LRATD2: variants seen among roughly 807,000 people sequenced by gnomAD.
The protein encoded by LRATD2 is protein LRATD2.
Under a neutral mutation model 12.0 loss-of-function variants are expected in LRATD2, and 10 were observed. The observed-to-expected ratio is 0.83, with a 90% confidence interval of 0.51 to 1.41. The LOEUF (loss-of-function observed/expected upper bound fraction) is 1.41, where lower values mean the gene tolerates loss of function less well. Among genes scored for constraint, LRATD2 ranks in the 40% most tolerant of loss-of-function variants. LRATD2 has a pLI of 0.00. For missense variants in LRATD2, 455 were observed against 446.1 expected, an observed-to-expected ratio of 1.02 and a Z score of -0.18; for synonymous variants, 220 against 205.8, an observed-to-expected ratio of 1.07 and a Z score of -0.59.
Position 126,557,299 on chromosome 8 carries a change from G to T in LRATD2, c.91C>A (p.Arg31Ser), listed in dbSNP as rs776888640. 1.9e-6 allele frequency: 3 copies of T among 1,613,636 alleles called. No individual in the cohort carries two copies. Among genetic ancestry groups the T allele is most frequent in the Non-Finnish European group, 2.5e-6 (3 of 1,179,962 alleles). ...PTGVDRDDGP[R>S]IGVSYIFSND... Reference sequence around the variant, plus strand: ...GAGAAAATGTAGGAGACCCCAATGCGGGGCCCGTCGTCCCGGTCCACGCCA... The same window carrying T: ...GAGAAAATGTAGGAGACCCCAATGCTGGGCCCGTCGTCCCGGTCCACGCCA... Residue 31 changes from arginine to serine, a missense_variant, in exon 2 of 2, where the codon CGC becomes AGC. By Grantham distance (110) the Arg-to-Ser change is moderately radical. Coordinates refer to ENST00000304916, the MANE Select transcript of LRATD2 (RefSeq NM_174911.5). The surrounding 1 kb of genome is among the most constrained non-coding windows in gnomAD (Gnocchi z 5.3).
Position 126,553,233 on chromosome 8 carries a change from A to G in LRATD2, c.*3224T>C, listed in dbSNP as rs915360674. ...AGTGCTAAAAGTCACTTTAAATTAA[A>G]TGTGAAATAAAAGCTACAAAAAGTA... is the stretch of plus-strand genomic sequence containing the variant. On this transcript the variant is annotated 3_prime_UTR_variant, in exon 2 of 2. Transcript: ENST00000304916. 5 of 152,544 alleles carry G rather than the reference A, an allele frequency of 3.3e-5. No homozygotes were observed. Among genetic ancestry groups the G allele is most frequent in the African/African-American group, 1.2e-4 (5 of 41,456 alleles). The allele number at this position is 152,544 out of a possible 1,614,324, so 9.4% of individuals were successfully genotyped here.
In LRATD2 at chr8:126,556,601, C is replaced by T; in HGVS notation, c.789G>A (p.Ala263=). ...EKRRNDQIGR[A]AVLQELATHL... Reference sequence around the variant, plus strand: ...GCGTGGCGAGCTCCTGCAGCACGGCCGCGCGCCCGATCTGGTCGTTGCGTC... The same window carrying T: ...GCGTGGCGAGCTCCTGCAGCACGGCTGCGCGCCCGATCTGGTCGTTGCGTC... Residue 263 remains alanine, a synonymous_variant, in exon 2 of 2, where the codon GCG becomes GCA. Transcript: ENST00000304916. The surrounding 1 kb of genome is among the most constrained non-coding windows in gnomAD (Gnocchi z 5.6). 1 of 1,610,162 alleles carries T rather than the reference C, an allele frequency of 6.2e-7. No individual in the cohort carries two copies. Among genetic ancestry groups the T allele is most frequent in the Non-Finnish European group, 8.5e-7 (1 of 1,178,208 alleles).
At position 126,557,037 on chromosome 8, in the gene LRATD2, G is replaced by A; in HGVS notation, c.353C>T (p.Pro118Leu). 6.2e-7 allele frequency: 1 copy of A among 1,607,114 alleles called. No individual in the cohort carries two copies. Among genetic ancestry groups the A allele is most frequent in the Non-Finnish European group, 8.5e-7 (1 of 1,179,974 alleles). ...TPENLLNKCK[P>L]GDLVEFVSQA... ...CGACACGAACTCCACCAGATCGCCC[G>A]GCTTGCACTTGTTGAGCAGGTTCTC... The change falls in exon 2 of 2, where the codon CCG becomes CTG. Residue 118 changes from proline (P) to leucine (L), a missense_variant. Transcript: ENST00000304916. The surrounding 1 kb of genome is among the most constrained non-coding windows in gnomAD (Gnocchi z 5.3).
rs1284554717 is a variant in LRATD2 at position 126,556,784 on chromosome 8, C to T, written c.606G>A (p.Glu202=). 1.9e-6 allele frequency: 3 copies of T among 1,597,574 alleles called. No homozygotes were observed. Among genetic ancestry groups the T allele is most frequent in the African/African-American group, 2.7e-5 (2 of 74,730 alleles). ...KERELSWRNS[E]SFAAWCRYGK... ...CGTAGCGGCACCAGGCGGCGAAACT[C>T]TCCGAGTTGCGCCAGCTCAGCTCGC... Residue 202 remains glutamate (E), a synonymous_variant, in exon 2 of 2, where the codon GAG becomes GAA. Transcript: ENST00000304916. This position sits in a 1 kb window ranked among gnomAD's most constrained non-coding sequence, Gnocchi z 5.6.
chr8:126,553,869 T>G lies in LRATD2; in HGVS notation c.*2588A>C, dbSNP rs1188549586. The G allele has an allele frequency of 6.6e-6, 1 of 152,266 alleles. No individual in the cohort carries two copies. Among genetic ancestry groups the G allele is most frequent in the Non-Finnish European group, 1.5e-5 (1 of 68,050 alleles). The allele number at this position is 152,266 out of a possible 1,614,324, so 9.4% of individuals were successfully genotyped here. On this transcript the variant is annotated 3_prime_UTR_variant, in exon 2 of 2. Coordinates refer to ENST00000304916, the MANE Select transcript of LRATD2 (RefSeq NM_174911.5). Reference sequence around the variant, plus strand: ...TCTCTAGAAGAGAGAGTCACTGCTCTCTCTTAACACAGTCGCTGCTATACT... The same window carrying G: ...TCTCTAGAAGAGAGAGTCACTGCTCGCTCTTAACACAGTCGCTGCTATACT...
Position 126,556,707 on chromosome 8 carries a change from T to C in LRATD2, c.683A>G (p.Tyr228Cys), listed in dbSNP as rs753985801. Residue 228 changes from tyrosine to cysteine, a missense_variant, in exon 2 of 2, where the codon TAC (tyrosine) becomes TGC (cysteine). Coordinates refer to ENST00000304916, the MANE Select transcript of LRATD2 (RefSeq NM_174911.5). The surrounding 1 kb of genome is among the most constrained non-coding windows in gnomAD (Gnocchi z 5.6). Reference protein sequence around the residue: ...GGELRIGKQPYRLQIQLSAQR... With the variant: ...GGELRIGKQPCRLQIQLSAQR... The stretch of plus-strand genomic sequence containing the variant: ...CGCCGACAGCTGAATCTGCAGCCGG[T>C]AGGGCTGCTTGCCGATGCGCAGCTC... 1.2e-6 allele frequency: 2 copies of C among 1,608,408 alleles called. No homozygotes were observed. Among genetic ancestry groups the C allele is most frequent in the African/African-American group, 1.3e-5 (1 of 74,980 alleles).
rs529697872 is a variant in LRATD2 at position 126,557,803 on chromosome 8, A to AT, written c.-97+230dup. The AT allele has an allele frequency of 1.7e-3, 302 of 181,070 alleles. 1 individual carries two copies. Among genetic ancestry groups the AT allele is most frequent in the African/African-American group, 7.0e-3 (291 of 41,750 alleles). The allele number at this position is 181,070 out of a possible 1,614,324, so 11.2% of individuals were successfully genotyped here. On this transcript the variant is annotated intron_variant, in intron 1 of 1. Transcript: ENST00000304916. This position sits in a 1 kb window ranked among gnomAD's most constrained non-coding sequence, Gnocchi z 5.3. ...GGAAGGAAAGAGAAACTTTACGCCAATCCCCCCCCTCCTCTGCTAACTTCC... is the reference window on the plus strand; with the variant it reads ...GGAAGGAAAGAGAAACTTTACGCCAATTCCCCCCCCTCCTCTGCTAACTTCC...
rs1370462966 is a variant in LRATD2 at position 126,557,440 on chromosome 8, A to C, written c.-51T>G. On this transcript the variant is annotated 5_prime_UTR_variant, in exon 2 of 2. Transcript: ENST00000304916. The surrounding 1 kb of genome is among the most constrained non-coding windows in gnomAD (Gnocchi z 5.3). ...GCCGCAAGGGGAGAAAGCGAAACCA[A>C]CTCCAGGGTCATTTGCACAGGTCCC... The C allele has an allele frequency of 6.3e-7, 1 of 1,585,836 alleles. No individual in the cohort carries two copies. The highest frequency in any genetic ancestry group is 1.9e-5 in the Admixed American group (1 of 53,520).
Position 126,557,183 on chromosome 8 carries a change from G to GGGC in LRATD2, c.204_206dup (p.Pro69dup). On this transcript the variant is annotated inframe_insertion, in exon 2 of 2. Transcript: ENST00000304916. This position sits in a 1 kb window ranked among gnomAD's most constrained non-coding sequence, Gnocchi z 5.3. ...GCCGCGGATCGTAGGGCTGCGGCTG[G>GGGC]GGCGGCGGCGGCCCGTCCCCACCGT... 8.7e-6 allele frequency: 14 copies of GGGC among 1,604,678 alleles called. No individual in the cohort carries two copies. The highest frequency in any genetic ancestry group is 1.7e-5 in the Admixed American group (1 of 58,806).
At position 126,554,466 on chromosome 8, in the gene LRATD2, T is replaced by G. The variant is rs1418035140; in HGVS notation, c.*1991A>C. 6.6e-6 allele frequency: 1 copy of G among 152,224 alleles called. No individual in the cohort carries two copies. The highest frequency in any genetic ancestry group is 1.5e-5 in the Non-Finnish European group (1 of 68,046). The allele number at this position is 152,224 out of a possible 1,614,324, so 9.4% of individuals were successfully genotyped here. ...CTGTGAGAGTATTAAATATGGACAC[T>G]AGATTTACATTTCCAACAAGAAATT... On this transcript the variant is annotated 3_prime_UTR_variant, in exon 2 of 2. Transcript: ENST00000304916.
At position 126,552,473 on chromosome 8, in the gene LRATD2, C is replaced by T. The variant is rs533043354; in HGVS notation, c.*3984G>A. 1 of 152,694 alleles carries T rather than the reference C, an allele frequency of 6.5e-6. No homozygotes were observed. Among genetic ancestry groups the T allele is most frequent in the South Asian group, 2.1e-4 (1 of 4,822 alleles). 9.5% of individuals were successfully genotyped at this position (152,694 alleles called of 1,614,324 possible). On this transcript the variant is annotated 3_prime_UTR_variant, in exon 2 of 2. Coordinates refer to ENST00000304916, the MANE Select transcript of LRATD2 (RefSeq NM_174911.5). Reference sequence around the variant, plus strand: ...TCTAATAGATGGTTTATTGGAAACGCTCATAGCATCTTTTGAAAAGAACTT... The same window carrying T: ...TCTAATAGATGGTTTATTGGAAACGTTCATAGCATCTTTTGAAAAGAACTT...
rs1817388682 is a variant in LRATD2 at position 126,556,256 on chromosome 8, GTTTCCT to G, written c.*195_*200del. 2 of 599,168 alleles carry G rather than the reference GTTTCCT, an allele frequency of 3.3e-6. No individual in the cohort carries two copies. Among genetic ancestry groups the G allele is most frequent in the Admixed American group, 3.9e-5 (1 of 25,948 alleles). 37.1% of individuals were successfully genotyped at this position (599,168 alleles called of 1,614,324 possible). A position where few individuals can be genotyped will look rare whatever the true frequency, so the allele number is the denominator to read the frequency against. On this transcript the variant is annotated 3_prime_UTR_variant, in exon 2 of 2. Transcript: ENST00000304916. The surrounding 1 kb of genome is among the most constrained non-coding windows in gnomAD (Gnocchi z 5.6). ...GACGCCCCCCACCCCCAACTAAAGT[GTTTCCT>G]ACCTGCTCCCTCTGTCCCCTTCCTC...
At position 126,553,299 on chromosome 8, in the gene LRATD2, G is replaced by C. The variant is rs2130473571; in HGVS notation, c.*3158C>G. On this transcript the variant is annotated 3_prime_UTR_variant, in exon 2 of 2. Coordinates refer to ENST00000304916, the MANE Select transcript of LRATD2 (RefSeq NM_174911.5). ...CAAAAAGTTGTGTAGCTGAAGTTGTGGGCTCCTTTGACATACATAAGCAGT... is the reference window on the plus strand; with the variant it reads ...CAAAAAGTTGTGTAGCTGAAGTTGTCGGCTCCTTTGACATACATAAGCAGT... 6.5e-6 allele frequency: 1 copy of C among 152,706 alleles called. No individual in the cohort carries two copies. Among genetic ancestry groups the C allele is most frequent in the Middle Eastern group, 3.4e-3 (1 of 294 alleles). 9.5% of individuals were successfully genotyped at this position (152,706 alleles called of 1,614,324 possible). A position where few individuals can be genotyped will look rare whatever the true frequency, so the allele number is the denominator to read the frequency against.
chr8:126,557,689 C>A lies in LRATD2; in HGVS notation c.-96-204G>T, dbSNP rs1413244928. Reference sequence around the variant, plus strand: ...AACTCCTGTTCTCCCTGTCCCCAGCCCTTCGCCTGGCCCTGGCAAAAGCCC... The same window carrying A: ...AACTCCTGTTCTCCCTGTCCCCAGCACTTCGCCTGGCCCTGGCAAAAGCCC... On this transcript the variant is annotated intron_variant, in intron 1 of 1. Coordinates refer to ENST00000304916, the MANE Select transcript of LRATD2 (RefSeq NM_174911.5). This position sits in a 1 kb window ranked among gnomAD's most constrained non-coding sequence, Gnocchi z 5.3. The A allele has an allele frequency of 7.1e-6, 3 of 424,796 alleles. No individual in the cohort carries two copies. The highest frequency in any genetic ancestry group is 1.3e-5 in the Non-Finnish European group (3 of 239,098). 26.3% of individuals were successfully genotyped at this position (424,796 alleles called of 1,614,324 possible). A position where few individuals can be genotyped will look rare whatever the true frequency, so the allele number is the denominator to read the frequency against.
In LRATD2 at chr8:126,558,242, G is replaced by A. The variant is rs1032129405; in HGVS notation, c.-305C>T. The A allele has an allele frequency of 6.6e-6, 1 of 152,272 alleles. No homozygotes were observed. The highest frequency in any genetic ancestry group is 2.1e-4 in the South Asian group (1 of 4,826). 9.4% of individuals were successfully genotyped at this position (152,272 alleles called of 1,614,324 possible). ...AGCGCCCCGATACTTGAAGGCGGGG[G>A]GCAATCCCTGTTCACACCGCGCTTC... On this transcript the variant is annotated 5_prime_UTR_variant, in exon 1 of 2. Coordinates refer to ENST00000304916, the MANE Select transcript of LRATD2 (RefSeq NM_174911.5).
rs1433157759 is a variant in LRATD2, at chr8:126,558,413, G to T, written c.-476C>A. 6.6e-6 allele frequency: 1 copy of T among 152,196 alleles called. No individual in the cohort carries two copies. Among genetic ancestry groups the T allele is most frequent in the Non-Finnish European group, 1.5e-5 (1 of 68,050 alleles). 9.4% of individuals were successfully genotyped at this position (152,196 alleles called of 1,614,324 possible). On this transcript the variant is annotated 5_prime_UTR_variant, in exon 1 of 2. Transcript: ENST00000304916. ...CAACAAGCACCGGAGCTGGAGGGAC[G>T]GGATTGTAGATCCGGCTCCGGGCTC...
chr8:126,555,706 C>G lies in LRATD2; in HGVS notation c.*751G>C, dbSNP rs1372052335. 1 of 152,652 alleles carries G rather than the reference C, an allele frequency of 6.6e-6. No individual in the cohort carries two copies. The highest frequency in any genetic ancestry group is 6.5e-5 in the Admixed American group (1 of 15,282). 9.5% of individuals were successfully genotyped at this position (152,652 alleles called of 1,614,324 possible). ...CCCTTGACAATGATTTACTTGTAAC[C>G]TAGGAAGGGGCGGGTGGAGCAGGAG... is the stretch of plus-strand genomic sequence containing the variant. On this transcript the variant is annotated 3_prime_UTR_variant, in exon 2 of 2. Transcript: ENST00000304916.
rs1438131599 is a variant in LRATD2, at chr8:126,552,986, T to C, written c.*3471A>G. The C allele has an allele frequency of 1.3e-5, 2 of 152,498 alleles. No individual in the cohort carries two copies. Among genetic ancestry groups the C allele is most frequent in the Non-Finnish European group, 2.9e-5 (2 of 68,002 alleles). 9.4% of individuals were successfully genotyped at this position (152,498 alleles called of 1,614,324 possible). ...GATTCCATTTTATTAAGAAAAAAAA[T>C]AGAAAACAAGTAGTCCTTAAATTGT... is the stretch of plus-strand genomic sequence containing the variant. On this transcript the variant is annotated 3_prime_UTR_variant, in exon 2 of 2. Coordinates refer to ENST00000304916, the MANE Select transcript of LRATD2 (RefSeq NM_174911.5).
Position 126,557,192 on chromosome 8 carries a change from C to T in LRATD2, c.198G>A (p.Pro66=), listed in dbSNP as rs1410728120. The T allele has an allele frequency of 1.9e-6, 3 of 1,602,330 alleles. No homozygotes were observed. The South Asian group carries it at 3.3e-5, about 18-fold the overall frequency. The change falls in exon 2 of 2, where the codon CCG becomes CCA. Residue 66 remains proline (P), a synonymous_variant. Transcript: ENST00000304916. The surrounding 1 kb of genome is among the most constrained non-coding windows in gnomAD (Gnocchi z 5.3). ...GGGLPDGGDG[P]PPPQPQPYDP... is the part of the protein sequence containing the mutation. ...CGTAGGGCTGCGGCTGGGGCGGCGG[C>T]GGCCCGTCCCCACCGTCGGGCAAGC...
Sources: gnomAD v4.1 joint callset for allele counts on GRCh38, gnomAD v4.1.1 for gene constraint, Gnocchi (gnomAD v3.1) non-coding constraint, MANE v1.5 for transcripts, NCBI Gene and HGNC (gene_info 2026-07-23, HGNC 2026-07-21) for gene names.